The following CDKN3 variants were observed in gnomAD, a reference collection of about 807,000 sequenced individuals.
CDKN3 encodes the protein cyclin dependent kinase inhibitor 3.
Under a neutral mutation model 36.1 loss-of-function variants are expected in CDKN3, and 19 were observed. The ratio of observed to expected loss-of-function variants is 0.53; its 90% CI spans 0.37 to 0.77. The LOEUF (loss-of-function observed/expected upper bound fraction) is 0.77, where lower values mean the gene tolerates loss of function less well. CDKN3 is among the 30% of genes least tolerant of loss of function. The pLI is 0.00. For missense variants in CDKN3, 188 were observed against 248.6 expected (o/e 0.76, Z 1.64); for synonymous variants, 71 against 85.3 (o/e 0.83, Z 0.92).
rs746846108 is a variant in CDKN3, at chr14:54,411,513, A to C, written c.223A>C (p.Ile75Leu). The C allele has an allele frequency of 3.9e-5, 63 of 1,613,750 alleles. No individual in the cohort carries two copies. Among genetic ancestry groups the C allele is most frequent in the Non-Finnish European group, 5.2e-5 (61 of 1,180,016 alleles). Residue 75 changes from isoleucine to leucine, a missense_variant, in exon 5 of 8, where the codon ATA (isoleucine) becomes CTA (leucine). Ile to Leu is a conservative substitution (Grantham distance 5, BLOSUM62 2). Transcript: ENST00000335183. ...EELKSCGIQD[I>L]FVFCTRGELS... is the part of the protein sequence containing the mutation. ...ACTAAAGAGCTGTGGTATACAAGAC[A>C]TATTTGTTTTCTGCACCAGAGGGGA...
At chr14:54,400,809 T>C (rs1594598563) in intron 2 of CDKN3, among the ~76,000 whole-genome samples, 1 of 152,378 alleles carries the variant, frequency 6.6e-6, no homozygotes, top group Middle Eastern at 3.4e-3. Flanking sequence ...AATCATCTTC[T>C]GACATGCAGA....
At chr14:54,413,669 C>T (rs2030435869) in intron 5 of CDKN3, 1 of 1,535,252 alleles carries the variant, frequency 6.5e-7, no homozygotes, top group Admixed American at 2.0e-5. Context: ...CTTTGAGGAC[C>T]CACACTTCTA....
intron 3 of CDKN3, among the ~76,000 whole-genome samples, chr14:54,405,577 C>T (rs1213229632): frequency 6.6e-6 from 1 of 152,102 alleles, no homozygotes; most frequent in East Asian, 1.9e-4. Flanking sequence ...TGCATTGATC[C>T]CTTTACCATT....
At chr14:54,412,912 TAGA>T (rs1452515241) in intron 5 of CDKN3, 1 of 512,044 alleles carries the variant, frequency 2.0e-6, no homozygotes, top group Non-Finnish European at 3.9e-6. Flanking sequence ...GCTAGAAGTA[TAGA>T]AATTATATCA....
At chr14:54,417,990 G>T in intron 7 of CDKN3, 39 bp downstream of exon 7, 3 of 1,189,596 alleles carry the variant, frequency 2.5e-6, no homozygotes, top group Non-Finnish European at 3.7e-6. Context: ...TGTGGTTGGG[G>T]TCGTTGTTAC....
intron 4 of CDKN3, among the ~76,000 whole-genome samples, chr14:54,409,376 CT>C (rs1160327959): frequency 6.6e-6 from 1 of 152,144 alleles, no homozygotes; most frequent in African/African-American, 2.4e-5. Context: ...AGATTTTATT[CT>C]GATTGGCCTG....
chr14:54,416,247 G>A (rs1007375538), intron 6 of CDKN3, among the ~76,000 whole-genome samples: 10 of 151,960 alleles, frequency 6.6e-5, no homozygotes, highest in African/African-American at 2.4e-4. Flanking sequence ...TAGTTTCCAT[G>A]GGTAACTATT....
chr14:54,417,964 G>A lies in CDKN3; in HGVS notation c.552+13G>A. The A allele has an allele frequency of 6.8e-7, 1 of 1,476,406 alleles. No homozygotes were observed. Among genetic ancestry groups the A allele is most frequent in the Middle Eastern group, 1.7e-4 (1 of 5,772 alleles). The allele number at this position is 1,476,406 out of a possible 1,614,324, so 91.5% of individuals were successfully genotyped here. ...ACAGACCATCAAGGTGAGGAGGTGG[G>A]CGGTGCTTGCTTGGTTGTGGTTGGG... On this transcript the variant is annotated intron_variant, in intron 7 of 7. Coordinates refer to ENST00000335183, the MANE Select transcript of CDKN3 (RefSeq NM_005192.4).
intron 5 of CDKN3, among the ~76,000 whole-genome samples, chr14:54,415,235 T>C (rs1056168637): frequency 6.6e-6 from 1 of 152,248 alleles, no homozygotes; most frequent in Non-Finnish European, 1.5e-5. Flanking sequence ...CAGCAGCTAA[T>C]GTTCATTTAC....
chr14:54,406,525 C>A (rs55881845), intron 3 of CDKN3, among the ~76,000 whole-genome samples: 5,316 of 152,014 alleles, frequency 0.035, 335 homozygotes, highest in African/African-American at 0.12. Flanking sequence ...TTTTTGGAGG[C>A]CTTGTTCATT....
At chr14:54,407,453 C>A (rs2030199483) in intron 3 of CDKN3, among the ~76,000 whole-genome samples, 1 of 152,226 alleles carries the variant, frequency 6.6e-6, no homozygotes, top group Admixed American at 6.5e-5. Flanking sequence ...ACAGCCATCC[C>A]TTCCGCCAGG....
intron 6 of CDKN3, among the ~76,000 whole-genome samples, chr14:54,416,284 T>A (rs989628019): frequency 6.6e-6 from 1 of 152,186 alleles, no homozygotes; most frequent in African/African-American, 2.4e-5. Flanking sequence ...AATTACTATA[T>A]GTTAATTTAA....
chr14:54,415,044 TAA>T (rs1408686724), intron 5 of CDKN3, among the ~76,000 whole-genome samples: 1 of 150,132 alleles, frequency 6.7e-6, no homozygotes, highest in African/African-American at 2.5e-5. Flanking sequence ...TCCATAACGA[TAA>T]GTCATCCACA....
At position 54,420,040 on chromosome 14, in the gene CDKN3, T is replaced by C. The variant is rs1439806021; in HGVS notation, c.601T>C (p.Ser201Pro). The change falls in exon 8 of 8, where the codon TCA becomes CCA. Residue 201 changes from serine to proline, a missense_variant. Physicochemically the swap from Ser to Pro is moderately conservative, Grantham distance 74 (BLOSUM62 -1). Coordinates refer to ENST00000335183, the MANE Select transcript of CDKN3 (RefSeq NM_005192.4). ...TCGGGACAAATTAGCTGCACATCTA[T>C]CATCAAGAGATTCACAATCAAGATC... ...EFRDKLAAHL[S>P]SRDSQSRSVS... 16 of 1,609,006 alleles carry C rather than the reference T, an allele frequency of 9.9e-6. 1 individual carries two copies. Among genetic ancestry groups the C allele is most frequent in the Admixed American group, 1.7e-5 (1 of 59,962 alleles).
rs756743679 is a variant in CDKN3 at position 54,401,588 on chromosome 14, C to A, written c.148+9C>A. ...TTTATGTGCTCTTCCAGGTGGGTAA[C>A]ACAATAATGGGCTTCCTATCAATAT... is the stretch of plus-strand genomic sequence containing the variant. On this transcript the variant is annotated intron_variant, in intron 3 of 7. Transcript: ENST00000335183. 27 of 1,579,638 alleles carry A rather than the reference C, an allele frequency of 1.7e-5. No homozygotes were observed. Among genetic ancestry groups the A allele is most frequent in the Non-Finnish European group, 2.3e-5 (27 of 1,152,148 alleles).
intron 4 of CDKN3, among the ~76,000 whole-genome samples, chr14:54,410,907 G>C (rs1468456626): frequency 6.6e-6 from 1 of 152,086 alleles, no homozygotes; most frequent in Non-Finnish European, 1.5e-5. Context: ...TGCCAGGCAT[G>C]GTGGCTCATG....
At chr14:54,402,898 C>T (rs1424244735) in intron 3 of CDKN3, among the ~76,000 whole-genome samples, 1 of 152,088 alleles carries the variant, frequency 6.6e-6, no homozygotes, top group Non-Finnish European at 1.5e-5. Context: ...TGTTCTGTTC[C>T]ATTGGTCTAT....
At chr14:54,415,778 C>G (rs1226243600) in intron 5 of CDKN3, 121 bp from the exon 6 acceptor site, 4 of 747,124 alleles carry the variant, frequency 5.4e-6, no homozygotes, top group African/African-American at 1.8e-5. Context: ...TATTAATCTT[C>G]GTGTGCAAGG....
At chr14:54,414,543 CT>C (rs112279322) in intron 5 of CDKN3, among the ~76,000 whole-genome samples, 624 of 139,478 alleles carry the variant, frequency 4.5e-3, no homozygotes, top group Non-Finnish European at 5.0e-3. Context: ...CTATCTTGAT[CT>C]TTTTTTTTTT....
Sources: gnomAD v4.1 joint callset for allele counts (sites outside exome capture counted in the v4.1 genomes callset) on GRCh38, gnomAD v4.1.1 for gene constraint, MANE v1.5 for transcripts, NCBI Gene and HGNC (gene_info 2026-07-23, HGNC 2026-07-21) for gene names.